Variants in RIC3 observed in about 807,000 individuals in gnomAD.
The protein encoded by RIC3 is RIC3 acetylcholine receptor chaperone.
A neutral mutation model predicts 27.3 loss-of-function variants in RIC3; 28 were observed. The ratio of observed to expected loss-of-function variants is 1.02; its 90% confidence interval spans 0.76 to 1.41. The LOEUF (loss-of-function observed/expected upper bound fraction) is 1.41. Among genes scored for constraint, RIC3 ranks in the 40% most tolerant of loss-of-function variants. RIC3 has a pLI of 0.00. For synonymous variants in RIC3, 184 were observed against 160.4 expected, an observed-to-expected ratio of 1.15 and a Z score of -1.11; for missense variants, 501 against 444.7, an observed-to-expected ratio of 1.13 and a Z score of -1.14.
intron 4 of RIC3, among the ~76,000 whole-genome samples, chr11:8,134,034 T>C (rs911692697): frequency 3.3e-5 from 5 of 151,992 alleles, no homozygotes; most frequent in Admixed American, 3.3e-4. Context: ...CTAGGGTACA[T>C]GTGCACAATG....
chr11:8,100,626 T>A, the RIC3 span: 1 of 1,602,370 alleles, frequency 6.2e-7, no homozygotes, highest in Non-Finnish European at 8.5e-7. Context: ...CTTCCTCCCC[T>A]CTTTCCCCAT....
chr11:8,094,114 A>G, the RIC3 span: 1 of 1,614,154 alleles, frequency 6.2e-7, no homozygotes, highest in South Asian at 1.1e-5. Flanking sequence ...AGCTTCAGCC[A>G]AGAGAACCAA....
At chr11:8,157,209 C>G (rs1348993237) in intron 1 of RIC3, among the ~76,000 whole-genome samples, 1 of 152,176 alleles carries the variant, frequency 6.6e-6, no homozygotes, top group East Asian at 1.9e-4. Flanking sequence ...CTGTCCAAGC[C>G]ACTAAATACC....
chr11:8,101,514 G>A (rs1564928438), downstream of RIC3: 2 of 1,614,106 alleles, frequency 1.2e-6, no homozygotes, highest in Middle Eastern at 1.6e-4. Flanking sequence ...AGTTTGGCCG[G>A]GTAGCAGAGG....
the RIC3 span, among the ~76,000 whole-genome samples, chr11:8,096,173 G>A: frequency 6.6e-6 from 1 of 152,216 alleles, no homozygotes; most frequent in East Asian, 1.9e-4. Flanking sequence ...CAGGCGGGAG[G>A]ACAGCTGAGA....
chr11:8,137,358 C>G lies in RIC3; in HGVS notation c.521+20G>C. The G allele has an allele frequency of 6.3e-7, 1 of 1,595,680 alleles. No individual in the cohort carries two copies. Among genetic ancestry groups the G allele is most frequent in the East Asian group, 2.2e-5 (1 of 44,790 alleles). On this transcript the variant is annotated intron_variant, in intron 4 of 5. Transcript: ENST00000309737. ...TTTCTAAATGAGAAATAGTCTGAGT[C>G]CCGTTACATGAAAACCTACCTCTCA...
chr11:8,165,739 T>C (rs10769878), intron 1 of RIC3, among the ~76,000 whole-genome samples: 38,365 of 146,518 alleles, frequency 0.26, 5,290 homozygotes, highest in East Asian at 0.44. Context: ...TTCCCTCCTC[T>C]ATGTTCTATG....
At chr11:8,130,100 G>A (rs1307080041) in intron 4 of RIC3, among the ~76,000 whole-genome samples, 2 of 151,906 alleles carry the variant, frequency 1.3e-5, no homozygotes, top group African/African-American at 2.4e-5. Context: ...CTCTTATCTG[G>A]TTAGTAGTTT....
rs374991934 is a variant in RIC3 at position 8,138,884 on chromosome 11, C to G, written c.352-537G>C. On this transcript the variant is annotated intron_variant, in intron 2 of 5. Coordinates refer to ENST00000309737, the MANE Select transcript of RIC3 (RefSeq NM_001206671.4). ...GCCTCTTTTAAAAAGTTCTAAGTCG[C>G]TAGCCAATCAGCACAAATACAGAAT... is the stretch of plus-strand genomic sequence containing the variant. The G allele has an allele frequency of 6.1e-5, 12 of 198,104 alleles. No homozygotes were observed. In the East Asian group the frequency reaches 1.9e-3, roughly 31 times the overall value. The allele number at this position is 198,104 out of a possible 1,614,324, so 12.3% of individuals were successfully genotyped here.
intron 4 of RIC3, among the ~76,000 whole-genome samples, chr11:8,130,291 T>C (rs183237036): frequency 1.5e-3 from 225 of 152,324 alleles, no homozygotes; most frequent in Non-Finnish European, 2.4e-3. Flanking sequence ...AACTGTACTT[T>C]TGGACCTTGA....
chr11:8,160,529 C>A (rs1273914791), intron 1 of RIC3, among the ~76,000 whole-genome samples: 6 of 152,212 alleles, frequency 3.9e-5, no homozygotes, highest in African/African-American at 1.4e-4. Context: ...CAAATTCCTA[C>A]ATTTCATTCC....
intron 4 of RIC3, among the ~76,000 whole-genome samples, chr11:8,130,532 G>A (rs1450768730): frequency 1.3e-5 from 2 of 152,140 alleles, no homozygotes; most frequent in Non-Finnish European, 2.9e-5. Flanking sequence ...AGAGTTGGCT[G>A]TCTGCAACCA....
chr11:8,163,878 C>G (rs1951423941), intron 1 of RIC3, among the ~76,000 whole-genome samples: 1 of 150,170 alleles, frequency 6.7e-6, no homozygotes, highest in African/African-American at 2.5e-5. Flanking sequence ...TGCTAGGTCA[C>G]AGGACCCAAA....
chr11:8,101,575 G>A (rs764350216), downstream of RIC3: 28 of 1,614,122 alleles, frequency 1.7e-5, no homozygotes, highest in African/African-American at 5.3e-5. Context: ...GCAGGCCTTT[G>A]CCATTGCCCT....
the RIC3 span, among the ~76,000 whole-genome samples, chr11:8,099,368 A>G: frequency 3.3e-5 from 5 of 152,094 alleles, no homozygotes; most frequent in Non-Finnish European, 5.9e-5. Context: ...GGATTACTCT[A>G]CCCCTTTGAA....
Position 8,110,746 on chromosome 11 carries a change from T to C in RIC3, c.1062A>G (p.Ala354=). The part of the protein sequence containing the change: ...DEGLGISTDK[A]YTGSMLRKRN... ...GCTTCCTCAGCATGCTGCCTGTATA[T>C]GCTTTATCGGTGCTGATGCCCAACC... is the stretch of plus-strand genomic sequence containing the variant. The change falls in exon 6 of 6, where the codon GCA becomes GCG. Residue 354 remains alanine, a synonymous_variant. Coordinates refer to ENST00000309737, the MANE Select transcript of RIC3 (RefSeq NM_001206671.4). 1 of 1,614,232 alleles carries C rather than the reference T, an allele frequency of 6.2e-7. No homozygotes were observed. The highest frequency in any genetic ancestry group is 8.5e-7 in the Non-Finnish European group (1 of 1,180,038).
At position 8,108,799 on chromosome 11, in the gene RIC3, A is replaced by G. The variant is rs1284207281; in HGVS notation, c.*1899T>C. On this transcript the variant is annotated 3_prime_UTR_variant, in exon 6 of 6. Coordinates refer to ENST00000309737, the MANE Select transcript of RIC3 (RefSeq NM_001206671.4). ...GAGCAATTGACTGCTAAATGAATGA[A>G]TGAGCTAGAAGAGAACAGCAGTATT... The G allele has an allele frequency of 1.3e-5, 2 of 152,240 alleles. No homozygotes were observed. The highest frequency in any genetic ancestry group is 2.9e-5 in the Non-Finnish European group (2 of 68,040). The allele number at this position is 152,240 out of a possible 1,614,324, so 9.4% of individuals were successfully genotyped here. A position where few individuals can be genotyped will look rare whatever the true frequency, so the allele number is the denominator to read the frequency against.
chr11:8,139,299 G>A (rs1948769166), intron 2 of RIC3: 1 of 152,444 alleles, frequency 6.6e-6, no homozygotes, highest in South Asian at 2.1e-4. Flanking sequence ...GGCAAAGTGA[G>A]TCTTCTGCCT....
chr11:8,101,476 T>G (rs150402974), downstream of RIC3: 340 of 1,614,174 alleles, frequency 2.1e-4, no homozygotes, highest in African/African-American at 3.4e-3. Context: ...GTGCCTGTGC[T>G]TGGCCCCAGC....
Sources: allele counts gnomAD v4.1 joint callset (sites outside exome capture counted in the v4.1 genomes callset), GRCh38; gene constraint gnomAD v4.1.1; transcripts MANE v1.5; gene names NCBI Gene and HGNC (gene_info 2026-07-23, HGNC 2026-07-21).